The following TJP3 variants were observed in gnomAD, a reference collection of about 807,000 sequenced individuals.
TJP3 encodes the protein tight junction protein 3.
A neutral mutation model predicts 104.2 loss-of-function variants in TJP3; 85 were observed. The ratio of observed to expected loss-of-function variants is 0.82; its 90% CI spans 0.68 to 0.98. The LOEUF (loss-of-function observed/expected upper bound fraction) is 0.98, where lower values mean the gene tolerates loss of function less well. TJP3 is among the 50% of genes least tolerant of loss of function. TJP3 has a pLI of 0.00. For synonymous variants in TJP3, 550 were observed against 550.6 expected, an observed-to-expected ratio of 1.00 and a Z score of 0.02; for missense variants, 1,367 against 1,322.8, an observed-to-expected ratio of 1.03 and a Z score of -0.52.
At chr19:3,711,206 AT>A (rs1411909900) in intron 1 of TJP3, among the ~76,000 whole-genome samples, 2 of 52,304 alleles carry the variant, frequency 3.8e-5, no homozygotes. Context: ...GCCTTATTTT[AT>A]TTTTTTTTGA....
chr19:3,712,926 G>C (rs1599140434), intron 1 of TJP3, among the ~76,000 whole-genome samples: 1 of 149,028 alleles, frequency 6.7e-6, no homozygotes, highest in Non-Finnish European at 1.5e-5. Flanking sequence ...CTCCAGCCTA[G>C]GTGACAGAGC....
chr19:3,714,574 G>A (rs2036460296), intron 1 of TJP3, among the ~76,000 whole-genome samples: 1 of 152,022 alleles, frequency 6.6e-6, no homozygotes, highest in African/African-American at 2.4e-5. Context: ...CAGTCTTTAG[G>A]GGAGACAGAC....
chr19:3,718,303 T>TCTCTC (rs1161142505), intron 1 of TJP3, among the ~76,000 whole-genome samples: 1 of 146,712 alleles, frequency 6.8e-6, no homozygotes, highest in Non-Finnish European at 1.5e-5. Flanking sequence ...CTCAGGCTGG[T>TCTCTC]CTCTCCTGGC....
At chr19:3,726,153 C>A (rs1302621109) in intron 1 of TJP3, among the ~76,000 whole-genome samples, 2 of 152,246 alleles carry the variant, frequency 1.3e-5, no homozygotes, top group Non-Finnish European at 1.5e-5. Context: ...GGAGGAGTCA[C>A]TTCTACAAAC....
chr19:3,724,257 A>T (rs1287315161), intron 1 of TJP3, among the ~76,000 whole-genome samples: 1 of 151,144 alleles, frequency 6.6e-6, no homozygotes, highest in Non-Finnish European at 1.5e-5. Context: ...GTGCAGTGGC[A>T]CAATCTTGGC....
rs1300742727 is a variant in TJP3, at chr19:3,710,860, G to GCA, written c.-10+2302_-10+2303dup. 4.6e-5 allele frequency among the ~76,000 whole-genome samples: 7 copies of GCA among 152,278 alleles called. No individual in the cohort carries two copies. In the East Asian group the frequency reaches 1.4e-3, roughly 29 times the overall value. On this transcript the variant is annotated intron_variant, in intron 1 of 20. Coordinates refer to ENST00000541714, the MANE Select transcript of TJP3 (RefSeq NM_001267560.2). ...GAGCGCAGTAATGGAGCCAATGGCT[G>GCA]CACAGAGGGTAACATGCGTGAGAGG...
At chr19:3,729,575 G>T (rs1486920840) in intron 3 of TJP3, among the ~76,000 whole-genome samples, 5 of 152,064 alleles carry the variant, frequency 3.3e-5, no homozygotes, top group Non-Finnish European at 5.9e-5. Context: ...GAGGTCAGGA[G>T]TTCAAAACCA....
At chr19:3,720,043 C>T (rs985010184) in intron 1 of TJP3, among the ~76,000 whole-genome samples, 1 of 152,324 alleles carries the variant, frequency 6.6e-6, no homozygotes, top group East Asian at 1.9e-4. Context: ...TTGTGCCTGG[C>T]CTCTACGCCC....
At chr19:3,749,389 G>C (rs2036959356) in intron 19 of TJP3, among the ~76,000 whole-genome samples, 1 of 152,076 alleles carries the variant, frequency 6.6e-6, no homozygotes, top group Non-Finnish European at 1.5e-5. Context: ...GCCCAGGCTG[G>C]AGTGCAGTAG....
At chr19:3,718,114 G>A (rs574972008) in intron 1 of TJP3, among the ~76,000 whole-genome samples, 3 of 150,050 alleles carry the variant, frequency 2.0e-5, no homozygotes, top group African/African-American at 7.4e-5. Context: ...GCTGAGGCAG[G>A]AGAATGGCGT....
At chr19:3,718,249 G>C (rs1463766067) in intron 1 of TJP3, among the ~76,000 whole-genome samples, 1 of 82,610 alleles carries the variant, frequency 1.2e-5, no homozygotes, top group African/African-American at 6.8e-5. Context: ...GTGTGTGTGT[G>C]TGTGTGTCTG....
At chr19:3,716,733 C>T (rs1304008553) in intron 1 of TJP3, among the ~76,000 whole-genome samples, 2 of 144,048 alleles carry the variant, frequency 1.4e-5, no homozygotes, top group Non-Finnish European at 3.1e-5. Context: ...TCAAATGATC[C>T]TCCCACTTCA....
chr19:3,724,267 C>G (rs1490418166), intron 1 of TJP3, among the ~76,000 whole-genome samples: 1 of 147,876 alleles, frequency 6.8e-6, no homozygotes, highest in East Asian at 2.1e-4. Flanking sequence ...ACAATCTTGG[C>G]TCACTGCAAG....
At chr19:3,715,820 C>T (rs1222208330) in intron 1 of TJP3, among the ~76,000 whole-genome samples, 1 of 152,148 alleles carries the variant, frequency 6.6e-6, no homozygotes, top group Non-Finnish European at 1.5e-5. Context: ...CTCTTGTCAT[C>T]CAGGCTGGAG....
intron 8 of TJP3, 48 bp downstream of exon 8, chr19:3,734,483 G>C (rs777157593): frequency 6.5e-7 from 1 of 1,532,576 alleles, no homozygotes; most frequent in East Asian, 2.3e-5. Context: ...GGAGAGGGAG[G>C]TGGGAGGGAG....
rs142067032 is a variant in TJP3, at chr19:3,746,630, G to A, written c.2156G>A (p.Arg719His). 3.5e-4 allele frequency: 557 copies of A among 1,613,166 alleles called. 1 individual carries two copies. The highest frequency in any genetic ancestry group is 6.2e-4 in the Admixed American group (37 of 59,932). ...LRQWLAPASRRSTRRLYAQAQ... is the reference protein window; with the variant it reads ...LRQWLAPASRHSTRRLYAQAQ... ...CAGTGGCTGGCGCCTGCCTCCCGCC[G>A]CAGCACCCGTCGCCTCTACGCACAA... The change falls in exon 17 of 21, where the codon CGC becomes CAC. Residue 719 changes from arginine to histidine, a missense_variant. By Grantham distance (29) the Arg-to-His change is conservative. Transcript: ENST00000541714. The surrounding 1 kb of genome is among the most constrained non-coding windows in gnomAD (Gnocchi z 4.1).
intron 7 of TJP3, 40 bp from the exon 8 acceptor site, chr19:3,734,287 G>A: frequency 6.2e-7 from 1 of 1,604,440 alleles, no homozygotes; most frequent in African/African-American, 1.3e-5. Context: ...CAGTCCAGAA[G>A]GCGTGACCAT....
Position 3,748,089 on chromosome 19 carries a change from G to A in TJP3, c.2610+8G>A, listed in dbSNP as rs373418789. ...GCTCATCAGGGGGCCCAGGTGCGTC[G>A]GACATGGGGGGCAGGCCTGGGAAGG... On this transcript the variant is annotated splice_region_variant and intron_variant, in intron 19 of 20. Transcript: ENST00000541714. The A allele has an allele frequency of 1.6e-5, 24 of 1,544,640 alleles. No individual in the cohort carries two copies. The highest frequency in any genetic ancestry group is 1.7e-4 in the Middle Eastern group (1 of 5,918).
intron 8 of TJP3, among the ~76,000 whole-genome samples, chr19:3,734,822 C>T (rs770959130): frequency 6.6e-6 from 1 of 152,096 alleles, no homozygotes; most frequent in South Asian, 2.1e-4. Context: ...GGCGTGGTGC[C>T]GGGTGCCTGT....
Sources: gnomAD v4.1 joint callset for allele counts (sites outside exome capture counted in the v4.1 genomes callset) on GRCh38, gnomAD v4.1.1 for gene constraint, Gnocchi (gnomAD v3.1) non-coding constraint, MANE v1.5 for transcripts, NCBI Gene and HGNC (gene_info 2026-07-23, HGNC 2026-07-21) for gene names.